The following ZNF276 variants were observed in gnomAD, a reference collection of about 807,000 sequenced individuals.
ZNF276 encodes the protein zinc finger protein 276, also known as centromere protein Z.
A neutral mutation model predicts 63.9 loss-of-function variants in ZNF276; 59 were observed. That is an observed-to-expected ratio of 0.92 (90% CI 0.75 to 1.15). The LOEUF is 1.15. Among genes scored for constraint, ZNF276 ranks in the 50% most tolerant of loss-of-function variants. The pLI is 0.00. For synonymous variants in ZNF276, 496 were observed against 348.4 expected (o/e 1.42, Z -4.72); for missense variants, 1,084 against 843.8 (o/e 1.28, Z -3.53).
At position 89,739,955 on chromosome 16, in the gene ZNF276, C is replaced by T. The variant is rs912770012; in HGVS notation, c.*1709C>T. 3 of 1,611,000 alleles carry T rather than the reference C, an allele frequency of 1.9e-6. No homozygotes were observed. The highest frequency in any genetic ancestry group is 1.3e-5 in the African/African-American group (1 of 74,984). On this transcript the variant is annotated 3_prime_UTR_variant, in exon 11 of 11. Coordinates refer to ENST00000443381, the MANE Select transcript of ZNF276 (RefSeq NM_001113525.2). ...ATTTGCAAGATGCCTCTGAAAAGAG[C>T]GGCCCTCCGCATTTGTGCCTCAGCA...
Position 89,738,898 on chromosome 16 carries a change from A to C in ZNF276, c.*652A>C, listed in dbSNP as rs201658945. On this transcript the variant is annotated 3_prime_UTR_variant, in exon 11 of 11. Transcript: ENST00000443381. Reference sequence around the variant, plus strand: ...TGACGTTACCTCTGCCACGTGTGAGAAGCTCTTTTTCGGGCACCGAGGTAT... The same window carrying C: ...TGACGTTACCTCTGCCACGTGTGAGCAGCTCTTTTTCGGGCACCGAGGTAT... 2.4e-5 allele frequency: 39 copies of C among 1,614,234 alleles called. No homozygotes were observed. Among genetic ancestry groups the C allele is most frequent in the African/African-American group, 1.7e-4 (13 of 75,066 alleles).
At chr16:89,728,560 G>A (rs1022327491) in intron 5 of ZNF276, among the ~76,000 whole-genome samples, 9 of 152,022 alleles carry the variant, frequency 5.9e-5, no homozygotes, top group African/African-American at 1.9e-4. Flanking sequence ...CCGCCACCAC[G>A]CCCGGCTAAT....
At chr16:89,730,604 C>G (rs1269197000) in intron 6 of ZNF276, among the ~76,000 whole-genome samples, 1 of 152,186 alleles carries the variant, frequency 6.6e-6, no homozygotes, top group Non-Finnish European at 1.5e-5. Flanking sequence ...TGCTTTGGAA[C>G]AGAGACACGG....
intron 1 of ZNF276, 29 bp downstream of exon 1, chr16:89,721,874 T>C: frequency 8.4e-7 from 1 of 1,194,466 alleles, no homozygotes; most frequent in Non-Finnish European, 1.0e-6. Flanking sequence ...CGTGGCGGGT[T>C]GGGGTCGCGG....
At position 89,738,843 on chromosome 16, in the gene ZNF276, T is replaced by C. The variant is rs754274108; in HGVS notation, c.*597T>C. 1.3e-5 allele frequency: 21 copies of C among 1,614,066 alleles called. No homozygotes were observed. The African/African-American group carries it at 1.9e-4, about 14-fold the overall frequency. ...TGGCCCAGGCAGCTGTCAATTCTCA[T>C]GTCCCCCACATGGCCCAAGGTGGGC... On this transcript the variant is annotated 3_prime_UTR_variant, in exon 11 of 11. Coordinates refer to ENST00000443381, the MANE Select transcript of ZNF276 (RefSeq NM_001113525.2).
chr16:89,731,299 A>G (rs1391030950), intron 6 of ZNF276, among the ~76,000 whole-genome samples: 3 of 152,120 alleles, frequency 2.0e-5, no homozygotes, highest in Admixed American at 1.3e-4. Context: ...TGTTGCCCAG[A>G]CTGGAGTGCA....
At chr16:89,735,934 C>G (rs2061861009) in intron 9 of ZNF276, among the ~76,000 whole-genome samples, 1 of 151,208 alleles carries the variant, frequency 6.6e-6, no homozygotes, top group Non-Finnish European at 1.5e-5. Context: ...TCTTGTCGCC[C>G]AGGCTGGGGT....
chr16:89,727,028 C>A (rs1026270387), intron 4 of ZNF276, among the ~76,000 whole-genome samples: 4 of 152,216 alleles, frequency 2.6e-5, no homozygotes, highest in Non-Finnish European at 5.9e-5. Flanking sequence ...AAGGACTGGG[C>A]TTTCTGGTTC....
At chr16:89,733,439 C>G in intron 7 of ZNF276, 27 bp downstream of exon 7, 3 of 1,614,130 alleles carry the variant, frequency 1.9e-6, no homozygotes. Context: ...GAGGCTCGCC[C>G]TGCCTGTCGG....
At position 89,740,040 on chromosome 16, in the gene ZNF276, C is replaced by T. The variant is rs1204611147; in HGVS notation, c.*1794C>T. 6.2e-7 allele frequency: 1 copy of T among 1,614,206 alleles called. No homozygotes were observed. The highest frequency in any genetic ancestry group is 8.5e-7 in the Non-Finnish European group (1 of 1,180,036). On this transcript the variant is annotated 3_prime_UTR_variant, in exon 11 of 11. Coordinates refer to ENST00000443381, the MANE Select transcript of ZNF276 (RefSeq NM_001113525.2). ...GTGCCAGCCAGGATATCTTCCTCTT[C>T]TCTAAACACTCGAGGATTGCTGCAC...
At chr16:89,737,663 A>G (rs1337991641) in intron 9 of ZNF276, 143 bp from the exon 10 acceptor site, 1 of 1,489,134 alleles carries the variant, frequency 6.7e-7, no homozygotes, top group Non-Finnish European at 9.0e-7. Context: ...CGAGGCCCTC[A>G]TAGGCCCCTT....
At position 89,723,524 on chromosome 16, in the gene ZNF276, A is replaced by C. The variant is rs770242769; in HGVS notation, c.821A>C (p.His274Pro). 2.5e-6 allele frequency: 4 copies of C among 1,612,706 alleles called. No homozygotes were observed. Among genetic ancestry groups the C allele is most frequent in the African/African-American group, 1.3e-5 (1 of 74,942 alleles). Residue 274 changes from histidine to proline, a missense_variant, in exon 4 of 11, where the codon CAC becomes CCC. By Grantham distance (77) the His-to-Pro change is moderately conservative. Coordinates refer to ENST00000443381, the MANE Select transcript of ZNF276 (RefSeq NM_001113525.2). ...DKETAPRLPQ[H>P]RGWNPGDAPQ... ...GAGACGGCGCCACGGCTGCCCCAGCACCGAGGGTGGAACCCTGGGGATGCC... is the reference window on the plus strand; with the variant it reads ...GAGACGGCGCCACGGCTGCCCCAGCCCCGAGGGTGGAACCCTGGGGATGCC...
chr16:89,732,848 C>T (rs1286797611), intron 6 of ZNF276: 2 of 229,600 alleles, frequency 8.7e-6, no homozygotes, highest in Non-Finnish European at 1.8e-5. Context: ...TGCGCCCTTG[C>T]CCTCTGCTGT....
rs147766861 is a variant in ZNF276, at chr16:89,723,512, G to A, written c.809G>A (p.Arg270Gln). The A allele has an allele frequency of 1.7e-4, 277 of 1,612,884 alleles. 3 individuals are homozygous for A. The Middle Eastern group carries it at 8.1e-3, about 47-fold the overall frequency. The change falls in exon 4 of 11, where the codon CGG becomes CAG. Residue 270 changes from arginine to glutamine, a missense_variant. By Grantham distance (43) the Arg-to-Gln change is conservative (BLOSUM62 1). Coordinates refer to ENST00000443381, the MANE Select transcript of ZNF276 (RefSeq NM_001113525.2). Reference sequence around the variant, plus strand: ...CCATGGGACAAAGAGACGGCGCCACGGCTGCCCCAGCACCGAGGGTGGAAC... The same window carrying A: ...CCATGGGACAAAGAGACGGCGCCACAGCTGCCCCAGCACCGAGGGTGGAAC... ...KWPWDKETAP[R>Q]LPQHRGWNPG...
intron 9 of ZNF276, among the ~76,000 whole-genome samples, chr16:89,736,121 G>C (rs2061871141): frequency 6.6e-6 from 1 of 152,156 alleles, no homozygotes; most frequent in Non-Finnish European, 1.5e-5. Flanking sequence ...TCAATCTCCT[G>C]ACCTTGTGAT....
At chr16:89,723,036 TG>T in intron 2 of ZNF276, 100 bp from the exon 3 acceptor site, 1 of 1,607,316 alleles carries the variant, frequency 6.2e-7, no homozygotes, top group Non-Finnish European at 8.5e-7. Context: ...AAGTTGCCTA[TG>T]GGGACCGCTG....
rs879765281 is a variant in ZNF276, at chr16:89,725,078, TAA to T, written c.1006+1370_1006+1371del. 8.3e-3 allele frequency among the ~76,000 whole-genome samples: 1,265 copies of T among 151,696 alleles called. 148 individuals are homozygous for T. The highest frequency in any genetic ancestry group is 0.021 in the Middle Eastern group (6 of 290). On this transcript the variant is annotated intron_variant, in intron 4 of 10. Transcript: ENST00000443381. ...ACAGGCACATGCCACCACGCCCACC[TAA>T]TTTTTGTATTTTTAGTAGAGATGGG...
intron 9 of ZNF276, among the ~76,000 whole-genome samples, chr16:89,737,160 G>A (rs893554343): frequency 6.6e-6 from 1 of 152,190 alleles, no homozygotes; most frequent in African/African-American, 2.4e-5. Context: ...ATATGGAGAT[G>A]AATTCTAGAG....
intron 5 of ZNF276, among the ~76,000 whole-genome samples, chr16:89,727,755 T>C (rs1356249751): frequency 6.6e-6 from 1 of 152,236 alleles, no homozygotes; most frequent in African/African-American, 2.4e-5. Flanking sequence ...GGTCCTTTGC[T>C]TCTGCTACTG....
Sources: gnomAD v4.1 joint callset for allele counts (sites outside exome capture counted in the v4.1 genomes callset) on GRCh38, gnomAD v4.1.1 for gene constraint, MANE v1.5 for transcripts, NCBI Gene and HGNC (gene_info 2026-07-23, HGNC 2026-07-21) for gene names.